The following FMN2 variants were observed in gnomAD, a reference collection of about 807,000 sequenced individuals.
FMN2 encodes the protein formin-2.
FMN2 carries 51 observed loss-of-function variants against 142.3 expected under a neutral mutation model. The ratio of observed to expected loss-of-function variants is 0.36; its 90% confidence interval spans 0.29 to 0.45. The LOEUF is 0.45. Ranked by LOEUF, FMN2 falls within the 20% of genes least tolerant of loss-of-function variation. The probability of loss-of-function intolerance (pLI) is 1.00; values close to 1 mark genes in which losing one functional copy is unlikely to be tolerated. For synonymous variants in FMN2, 882 were observed against 869.8 expected (o/e 1.01, Z -0.25); for missense variants, 1,936 against 2,122.8 (o/e 0.91, Z 1.73).
At chr1:240,306,388 T>C (rs1195260694) in intron 8 of FMN2, among the ~76,000 whole-genome samples, 1 of 152,190 alleles carries the variant, frequency 6.6e-6, no homozygotes, top group African/African-American at 2.4e-5. Context: ...AAGCTGAACA[T>C]AGTATCCAAC....
chr1:240,407,390 C>T (rs1227628373), intron 15 of FMN2, among the ~76,000 whole-genome samples: 3 of 152,074 alleles, frequency 2.0e-5, no homozygotes, highest in East Asian at 1.9e-4. Flanking sequence ...CTGCCCGCCT[C>T]GGCCCCCCAG....
intron 8 of FMN2, among the ~76,000 whole-genome samples, chr1:240,296,672 GTT>G (rs11380505): frequency 1.4e-5 from 2 of 144,024 alleles, no homozygotes. Flanking sequence ...CTTGAGTTTG[GTT>G]TTTTTTTTTT....
intron 1 of FMN2, among the ~76,000 whole-genome samples, chr1:240,097,456 C>T (rs542048350): frequency 6.6e-6 from 1 of 151,596 alleles, no homozygotes; most frequent in East Asian, 2.0e-4. Context: ...CCTGAGTTCA[C>T]GCCATTCTCC....
intron 8 of FMN2, among the ~76,000 whole-genome samples, chr1:240,307,496 C>G: frequency 6.6e-6 from 1 of 152,290 alleles, no homozygotes; most frequent in Middle Eastern, 3.4e-3. Context: ...ATTGATTGAA[C>G]AGGGTGTCCT....
chr1:240,127,998 G>C (rs73128566), intron 2 of FMN2, among the ~76,000 whole-genome samples: 14,351 of 152,160 alleles, frequency 0.094, 801 homozygotes, highest in African/African-American at 0.13. Context: ...AGAACACAAG[G>C]AAATCAAGGA....
intron 6 of FMN2, among the ~76,000 whole-genome samples, chr1:240,255,316 G>T (rs1373141944): frequency 6.6e-6 from 1 of 152,092 alleles, no homozygotes; most frequent in Non-Finnish European, 1.5e-5. Context: ...TGTGGAGGAG[G>T]CGAGTACCAG....
At chr1:240,152,508 C>T (rs932691308) in intron 2 of FMN2, among the ~76,000 whole-genome samples, 2 of 151,996 alleles carry the variant, frequency 1.3e-5, no homozygotes, top group African/African-American at 4.8e-5. Context: ...TTTCCGTTTC[C>T]AAATTTGTCC....
intron 7 of FMN2, among the ~76,000 whole-genome samples, chr1:240,270,758 G>A (rs951838617): frequency 3.9e-5 from 6 of 151,954 alleles, no homozygotes; most frequent in East Asian, 1.9e-4. Flanking sequence ...AAATCTCTAC[G>A]ATCACATTTA....
intron 6 of FMN2, among the ~76,000 whole-genome samples, chr1:240,242,615 C>T (rs1226829806): frequency 2.0e-5 from 3 of 152,170 alleles, no homozygotes; most frequent in East Asian, 1.9e-4. Flanking sequence ...CTAAAATATA[C>T]ATCAAGACAA....
At chr1:240,294,548 G>A (rs1333483478) in intron 7 of FMN2, among the ~76,000 whole-genome samples, 1 of 152,148 alleles carries the variant, frequency 6.6e-6, no homozygotes, top group African/African-American at 2.4e-5. Context: ...CATTCAGTTC[G>A]GCTGTGAAAA....
At position 240,333,911 on chromosome 1, in the gene FMN2, T is replaced by C. The variant is rs970613113; in HGVS notation, c.4609T>C (p.Tyr1537His). Residue 1537 changes from tyrosine (Y) to histidine (H), a missense_variant, in exon 12 of 18, where the codon TAT becomes CAT. Tyr to His is a moderately conservative substitution (Grantham distance 83). Transcript: ENST00000319653. The part of the protein sequence containing the change: ...SSDNSRSLLS[Y>H]IVSYYLRNFD... Reference sequence around the variant, plus strand: ...GGACAATAGCAGAAGCCTTTTGTCATATATTGTTTCGTATTATCTCCGAAA... The same window carrying C: ...GGACAATAGCAGAAGCCTTTTGTCACATATTGTTTCGTATTATCTCCGAAA... The C allele has an allele frequency of 1.9e-6, 3 of 1,610,440 alleles. No individual in the cohort carries two copies. The highest frequency in any genetic ancestry group is 2.7e-5 in the African/African-American group (2 of 74,978).
At chr1:240,464,537 A>G (rs1227755430) in intron 16 of FMN2, among the ~76,000 whole-genome samples, 1 of 152,196 alleles carries the variant, frequency 6.6e-6, no homozygotes, top group African/African-American at 2.4e-5. Flanking sequence ...TTTTTGGAAC[A>G]TAAGTATAGA....
In FMN2 at chr1:240,148,357, G is replaced by GAGAC. The variant is rs761224296; in HGVS notation, c.1782+25016_1782+25019dup. Among the ~76,000 whole-genome samples, 66 of 143,916 alleles carry GAGAC rather than the reference G, an allele frequency of 4.6e-4. 1 individual carries two copies. The highest frequency in any genetic ancestry group is 1.7e-3 in the African/African-American group (61 of 35,910). The allele number at this position is 143,916 out of a possible 152,430, so 94.4% of individuals were successfully genotyped here. A position where few individuals can be genotyped will look rare whatever the true frequency, so the allele number is the denominator to read the frequency against. On this transcript the variant is annotated intron_variant, in intron 2 of 17. Coordinates refer to ENST00000319653, the MANE Select transcript of FMN2 (RefSeq NM_020066.5). ...AGACAGATAAAGAGAGAAAGACAGA[G>GAGAC]AGACAGAGACAGAGAGAGAGAGAGA... is the stretch of plus-strand genomic sequence containing the variant.
intron 6 of FMN2, chr1:240,245,220 A>G (rs1487649300): frequency 3.8e-6 from 1 of 262,648 alleles, no homozygotes; most frequent in African/African-American, 2.3e-5. Flanking sequence ...GAAAATAGAA[A>G]ATAGAAGAGA....
At chr1:240,242,617 T>A (rs1230472212) in intron 6 of FMN2, among the ~76,000 whole-genome samples, 2 of 152,012 alleles carry the variant, frequency 1.3e-5, no homozygotes, top group Non-Finnish European at 2.9e-5. Context: ...AAAATATACA[T>A]CAAGACAACC....
At chr1:240,379,869 A>C (rs947557724) in intron 14 of FMN2, among the ~76,000 whole-genome samples, 11 of 152,174 alleles carry the variant, frequency 7.2e-5, no homozygotes, top group Non-Finnish European at 1.6e-4. Flanking sequence ...TAACCAAGGA[A>C]AAAAAGTGGA....
intron 3 of FMN2, among the ~76,000 whole-genome samples, chr1:240,184,752 G>C (rs188973560): frequency 4.0e-5 from 6 of 151,896 alleles, no homozygotes; most frequent in Admixed American, 6.6e-5. Context: ...TGTTGGGAAC[G>C]TGGGAGTCGG....
At chr1:240,427,238 G>A (rs1050045668) in intron 15 of FMN2, among the ~76,000 whole-genome samples, 3 of 146,716 alleles carry the variant, frequency 2.0e-5, no homozygotes, top group East Asian at 2.0e-4. Flanking sequence ...ACAGAGTCTC[G>A]CCTGTCTCCC....
intron 2 of FMN2, among the ~76,000 whole-genome samples, chr1:240,128,893 A>G (rs1212413948): frequency 6.6e-6 from 1 of 151,924 alleles, no homozygotes; most frequent in Non-Finnish European, 1.5e-5. Context: ...TTCTTTTTTG[A>G]GACAGAATCT....
Sources: gnomAD v4.1 joint callset for allele counts (sites outside exome capture counted in the v4.1 genomes callset) on GRCh38, gnomAD v4.1.1 for gene constraint, MANE v1.5 for transcripts, NCBI Gene and HGNC (gene_info 2026-07-23, HGNC 2026-07-21) for gene names.